SLC35F1: variants seen among roughly 807,000 people sequenced by gnomAD.
SLC35F1 encodes solute carrier family 35 member F1.
Under a neutral mutation model 48.7 loss-of-function variants are expected in SLC35F1, and 14 were observed. The ratio of observed to expected loss-of-function variants is 0.29; its 90% confidence interval spans 0.19 to 0.45. The LOEUF (loss-of-function observed/expected upper bound fraction) is 0.45, where lower values mean the gene tolerates loss of function less well. SLC35F1 is among the 20% of genes least tolerant of loss of function. The pLI, the probability that SLC35F1 is intolerant of heterozygous loss-of-function variation, is 1.00. For missense variants in SLC35F1, 404 were observed against 500.0 expected (o/e 0.81, Z 1.83); for synonymous variants, 190 against 202.2 (o/e 0.94, Z 0.51).
intron 1 of SLC35F1, among the ~76,000 whole-genome samples, chr6:118,123,492 A>G (rs1363031461): frequency 1.3e-5 from 2 of 152,172 alleles, no homozygotes; most frequent in Middle Eastern, 3.2e-3. Flanking sequence ...TATTTAATAA[A>G]TGGCAAGAAA....
chr6:118,166,493 A>G (rs1220424778), intron 2 of SLC35F1, among the ~76,000 whole-genome samples: 1 of 152,244 alleles, frequency 6.6e-6, no homozygotes, highest in Non-Finnish European at 1.5e-5. Context: ...TGATTATAGC[A>G]CAGCTTTAAA....
chr6:117,938,418 C>T (rs578187029), intron 1 of SLC35F1, among the ~76,000 whole-genome samples: 2 of 152,358 alleles, frequency 1.3e-5, no homozygotes, highest in Non-Finnish European at 2.9e-5. Context: ...AGAAGCTTAT[C>T]TCTTCTGGCA....
intron 2 of SLC35F1, among the ~76,000 whole-genome samples, chr6:118,197,464 G>C (rs1774817476): frequency 6.6e-6 from 1 of 152,164 alleles, no homozygotes; most frequent in Non-Finnish European, 1.5e-5. Flanking sequence ...TCCCCCATCT[G>C]GTTTAGAAAG....
chr6:118,159,798 C>G (rs969800763), intron 2 of SLC35F1, among the ~76,000 whole-genome samples: 1 of 152,208 alleles, frequency 6.6e-6, no homozygotes, highest in Non-Finnish European at 1.5e-5. Flanking sequence ...CCATAAGTTT[C>G]TCTTGTCTGT....
chr6:118,104,662 T>C (rs1416632196), intron 1 of SLC35F1, among the ~76,000 whole-genome samples: 1 of 152,196 alleles, frequency 6.6e-6, no homozygotes, highest in Admixed American at 6.5e-5. Context: ...AATAAAGGAC[T>C]GATACATAAT....
intron 1 of SLC35F1, among the ~76,000 whole-genome samples, chr6:118,063,859 G>A (rs1230850888): frequency 6.6e-6 from 1 of 151,814 alleles, no homozygotes; most frequent in Admixed American, 6.6e-5. Flanking sequence ...AGTATCAATT[G>A]TTTCTTTTTA....
intron 3 of SLC35F1, among the ~76,000 whole-genome samples, chr6:118,239,213 C>T (rs551267691): frequency 6.7e-6 from 1 of 149,572 alleles, no homozygotes; most frequent in African/African-American, 2.5e-5. Flanking sequence ...CATTGAATCT[C>T]TAGTACCTAG....
chr6:118,106,552 T>C (rs866448757), intron 1 of SLC35F1, among the ~76,000 whole-genome samples: 2 of 152,214 alleles, frequency 1.3e-5, no homozygotes, highest in Admixed American at 6.5e-5. Flanking sequence ...CTCTCTCACG[T>C]GTACTACAAG....
chr6:118,203,106 G>A (rs1774891565), intron 2 of SLC35F1, among the ~76,000 whole-genome samples: 1 of 152,230 alleles, frequency 6.6e-6, no homozygotes, highest in Non-Finnish European at 1.5e-5. Context: ...CTCTCACACA[G>A]CAGTCAAGAT....
At chr6:118,190,078 T>C (rs1337302328) in intron 2 of SLC35F1, among the ~76,000 whole-genome samples, 1 of 152,212 alleles carries the variant, frequency 6.6e-6, no homozygotes, top group African/African-American at 2.4e-5. Flanking sequence ...CCATATTTAG[T>C]TTGCTTTAAC....
At chr6:118,209,637 A>T (rs1327288715) in intron 2 of SLC35F1, among the ~76,000 whole-genome samples, 1 of 152,076 alleles carries the variant, frequency 6.6e-6, no homozygotes, top group Non-Finnish European at 1.5e-5. Context: ...ATAGAATAGT[A>T]TTTCATTTTA....
At chr6:118,233,969 G>C (rs2114581395) in intron 2 of SLC35F1, among the ~76,000 whole-genome samples, 1 of 152,276 alleles carries the variant, frequency 6.6e-6, no homozygotes, top group Admixed American at 6.5e-5. Flanking sequence ...CTCATGCTTT[G>C]ACAGTCTGTA....
At chr6:118,038,961 G>T (rs1412199181) in intron 1 of SLC35F1, among the ~76,000 whole-genome samples, 1 of 152,012 alleles carries the variant, frequency 6.6e-6, no homozygotes, top group Non-Finnish European at 1.5e-5. Flanking sequence ...ATTATTCATT[G>T]CTAGTACACA....
At chr6:117,909,197 GA>G (rs1337861013) in intron 1 of SLC35F1, among the ~76,000 whole-genome samples, 1 of 152,206 alleles carries the variant, frequency 6.6e-6, no homozygotes, top group East Asian at 1.9e-4. Flanking sequence ...TTGTAGCTGA[GA>G]ATACCACCTT....
At chr6:117,946,361 A>C (rs897170149) in intron 1 of SLC35F1, among the ~76,000 whole-genome samples, 1 of 152,230 alleles carries the variant, frequency 6.6e-6, no homozygotes, top group African/African-American at 2.4e-5. Context: ...AACAATTCTA[A>C]GATAAAAAAT....
At chr6:118,004,305 A>G (rs941629594) in intron 1 of SLC35F1, among the ~76,000 whole-genome samples, 1 of 152,180 alleles carries the variant, frequency 6.6e-6, no homozygotes, top group African/African-American at 2.4e-5. Flanking sequence ...ATGGAGAAAT[A>G]TCCACAAAAA....
intron 4 of SLC35F1, among the ~76,000 whole-genome samples, chr6:118,270,011 G>C (rs1243746388): frequency 6.6e-6 from 1 of 152,148 alleles, no homozygotes; most frequent in Non-Finnish European, 1.5e-5. Flanking sequence ...CTGGGCAACA[G>C]AGCAAGACTC....
intron 1 of SLC35F1, among the ~76,000 whole-genome samples, chr6:117,929,739 A>G (rs1472932036): frequency 1.3e-5 from 2 of 152,174 alleles, no homozygotes; most frequent in African/African-American, 4.8e-5. Flanking sequence ...ACTTAAAGCT[A>G]ACTGATTGTA....
At chr6:118,061,989 G>C (rs9320635) in intron 1 of SLC35F1, among the ~76,000 whole-genome samples, 35,470 of 151,938 alleles carry the variant, frequency 0.23, 4,374 homozygotes, top group East Asian at 0.36. Context: ...GAGAGTTGGC[G>C]ACCCCTGGCT....
Sources: allele counts gnomAD v4.1 joint callset (sites outside exome capture counted in the v4.1 genomes callset), GRCh38; gene constraint gnomAD v4.1.1; transcripts MANE v1.5; gene names NCBI Gene and HGNC (gene_info 2026-07-23, HGNC 2026-07-21).